EDIL3: variants seen among roughly 807,000 people sequenced by gnomAD.
EDIL3 encodes the protein EGF like and discoidin domains 3, also known as EGF-like repeat and discoidin I-like domain-containing protein 3.
A neutral mutation model predicts 67.4 loss-of-function variants in EDIL3; 37 were observed. The observed-to-expected ratio is 0.55, with a 90% CI of 0.42 to 0.72. The LOEUF is 0.72. Among genes scored for constraint, EDIL3 ranks in the 30% least tolerant of loss-of-function variants. EDIL3 has a pLI of 0.00. For synonymous variants in EDIL3, 195 were observed against 196.3 expected (o/e 0.99, Z 0.05); for missense variants, 527 against 586.3 (o/e 0.90, Z 1.04).
intron 6 of EDIL3, among the ~76,000 whole-genome samples, chr5:84,077,684 G>A (rs1173889060): frequency 1.3e-5 from 2 of 151,936 alleles, no homozygotes; most frequent in Non-Finnish European, 1.5e-5. Flanking sequence ...CCTGACACAT[G>A]GGGATTATGG....
chr5:84,092,478 C>T (rs997810859), intron 6 of EDIL3, among the ~76,000 whole-genome samples: 2 of 152,126 alleles, frequency 1.3e-5, no homozygotes, highest in African/African-American at 4.8e-5. Context: ...GTCTGCTAAA[C>T]TCATGCTAGT....
intron 3 of EDIL3, among the ~76,000 whole-genome samples, chr5:84,193,580 G>A (rs1743636697): frequency 6.6e-6 from 1 of 151,862 alleles, no homozygotes; most frequent in South Asian, 2.1e-4. Context: ...CCTACTGAAA[G>A]TTTAGAGGTA....
At chr5:83,997,645 C>T (rs1350077299) in intron 9 of EDIL3, among the ~76,000 whole-genome samples, 1 of 152,002 alleles carries the variant, frequency 6.6e-6, no homozygotes, top group South Asian at 2.1e-4. Flanking sequence ...ATACGAAAGT[C>T]GTCCACACTG....
intron 1 of EDIL3, among the ~76,000 whole-genome samples, chr5:84,375,332 T>A (rs931286914): frequency 5.9e-5 from 9 of 152,180 alleles, no homozygotes; most frequent in Non-Finnish European, 1.2e-4. Context: ...CATTGTTTTG[T>A]AAAATACTTA....
intron 1 of EDIL3, among the ~76,000 whole-genome samples, chr5:84,349,029 G>A (rs1293867211): frequency 6.6e-6 from 1 of 151,996 alleles, no homozygotes; most frequent in African/African-American, 2.4e-5. Context: ...GCTAATAATA[G>A]CCTGACATTT....
At chr5:84,312,517 C>G (rs1746425164) in intron 1 of EDIL3, among the ~76,000 whole-genome samples, 1 of 145,810 alleles carries the variant, frequency 6.9e-6, no homozygotes, top group Admixed American at 6.8e-5. Flanking sequence ...GGGCTGACCC[C>G]CCCACCTCCC....
At chr5:84,294,631 A>G (rs976923782) in intron 1 of EDIL3, among the ~76,000 whole-genome samples, 32 of 152,220 alleles carry the variant, frequency 2.1e-4, no homozygotes, top group Middle Eastern at 3.4e-3. Flanking sequence ...TATTTAAAAA[A>G]TAATAATTAT....
In EDIL3 at chr5:84,018,028, G is replaced by A. The variant is rs184155909; in HGVS notation, c.1137+42272C>T. Among the ~76,000 whole-genome samples, 219 of 152,180 alleles carry A rather than the reference G, an allele frequency of 1.4e-3. 3 individuals are homozygous for A. In the Middle Eastern group the frequency reaches 0.017, roughly 12 times the overall value. On this transcript the variant is annotated intron_variant, in intron 9 of 10. Transcript: ENST00000296591. ...TGGACATGACCTTTCTTTCGCCATC[G>A]TATGAAAAGATGTGCAGATATTGGC...
chr5:84,039,781 C>A (rs866822866), intron 9 of EDIL3, among the ~76,000 whole-genome samples: 1 of 151,910 alleles, frequency 6.6e-6, no homozygotes, highest in African/African-American at 2.4e-5. Flanking sequence ...CAAACCTGCA[C>A]ATTGTGCACA....
At chr5:84,060,583 C>G in intron 8 of EDIL3, 99 bp from the exon 9 acceptor site, 1 of 1,238,894 alleles carries the variant, frequency 8.1e-7, no homozygotes, top group South Asian at 1.5e-5. Context: ...AAACATAATG[C>G]TATTCATTCC....
At chr5:84,181,888 T>A (rs554064645) in intron 3 of EDIL3, among the ~76,000 whole-genome samples, 17 of 152,232 alleles carry the variant, frequency 1.1e-4, no homozygotes, top group African/African-American at 3.9e-4. Context: ...GAAGTTAAGA[T>A]GTACATATTA....
chr5:84,138,441 T>C (rs537869147), intron 4 of EDIL3, among the ~76,000 whole-genome samples: 1 of 152,336 alleles, frequency 6.6e-6, no homozygotes, highest in African/African-American at 2.4e-5. Context: ...AAATGTTTCC[T>C]GACCAACTTT....
chr5:84,122,526 C>T (rs1747794753), intron 5 of EDIL3, among the ~76,000 whole-genome samples: 1 of 151,764 alleles, frequency 6.6e-6, no homozygotes, highest in Non-Finnish European at 1.5e-5. Flanking sequence ...ATCTTTATTT[C>T]CAATTGTAAT....
At chr5:84,298,272 C>G (rs531334437) in intron 1 of EDIL3, among the ~76,000 whole-genome samples, 1 of 152,128 alleles carries the variant, frequency 6.6e-6, no homozygotes, top group African/African-American at 2.4e-5. Context: ...AAATGTGGTA[C>G]GTACACACCA....
chr5:84,342,538 A>G (rs1363846471), intron 1 of EDIL3, among the ~76,000 whole-genome samples: 1 of 152,038 alleles, frequency 6.6e-6, no homozygotes, highest in East Asian at 1.9e-4. Context: ...CCATGTAATA[A>G]AATTACAGTT....
intron 5 of EDIL3, among the ~76,000 whole-genome samples, chr5:84,110,942 C>A (rs191560436): frequency 6.6e-6 from 1 of 152,124 alleles, no homozygotes; most frequent in African/African-American, 2.4e-5. Context: ...TGTGTCCCCA[C>A]CTAAATCTCA....
In EDIL3 at chr5:83,942,005, A is replaced by G. The variant is rs572668817; in HGVS notation, c.*1414T>C. On this transcript the variant is annotated 3_prime_UTR_variant, in exon 11 of 11. Coordinates refer to ENST00000296591, the MANE Select transcript of EDIL3 (RefSeq NM_005711.5). ...TAGCAGTGTTGCGTAGGATCTTAAC[A>G]TTTCATACACATACCATCCTTTCTT... 6.6e-6 allele frequency: 1 copy of G among 152,128 alleles called. No homozygotes were observed. Among genetic ancestry groups the G allele is most frequent in the Non-Finnish European group, 1.5e-5 (1 of 67,926 alleles). The allele number at this position is 152,128 out of a possible 1,614,324, so 9.4% of individuals were successfully genotyped here.
chr5:84,267,923 G>T (rs1162902199), intron 1 of EDIL3, among the ~76,000 whole-genome samples: 1 of 152,166 alleles, frequency 6.6e-6, no homozygotes, highest in Non-Finnish European at 1.5e-5. Flanking sequence ...GACTACCTGA[G>T]CTCAGGAGTT....
At chr5:83,986,805 C>G (rs1207419601) in intron 9 of EDIL3, among the ~76,000 whole-genome samples, 1 of 151,982 alleles carries the variant, frequency 6.6e-6, no homozygotes, top group Non-Finnish European at 1.5e-5. Context: ...GCATTCTAGA[C>G]CAGGAGAAGT....
Sources: gnomAD v4.1 joint callset for allele counts (sites outside exome capture counted in the v4.1 genomes callset) on GRCh38, gnomAD v4.1.1 for gene constraint, MANE v1.5 for transcripts, NCBI Gene and HGNC (gene_info 2026-07-23, HGNC 2026-07-21) for gene names.